Variants in GALNTL6 observed in about 807,000 individuals in gnomAD.
The protein encoded by GALNTL6 is polypeptide N-acetylgalactosaminyltransferase-like 6.
Under a neutral mutation model 73.7 loss-of-function variants are expected in GALNTL6, and 46 were observed. The ratio of observed to expected loss-of-function variants is 0.62; its 90% CI spans 0.49 to 0.80. GALNTL6 has a LOEUF of 0.80. Among genes scored for constraint, GALNTL6 ranks in the 30% least tolerant of loss-of-function variants. The pLI is 0.00. For missense variants in GALNTL6, 604 were observed against 755.0 expected (o/e 0.80, Z 2.34); for synonymous variants, 259 against 263.7 (o/e 0.98, Z 0.17).
intron 2 of GALNTL6, among the ~76,000 whole-genome samples, chr4:171,919,420 C>T (rs1263378418): frequency 6.6e-6 from 1 of 152,032 alleles, no homozygotes; most frequent in African/African-American, 2.4e-5. Flanking sequence ...ATGTATGGGT[C>T]AGAGTTACCC....
intron 5 of GALNTL6, among the ~76,000 whole-genome samples, chr4:172,753,010 T>C (rs1345918066): frequency 6.6e-6 from 1 of 152,204 alleles, no homozygotes; most frequent in Non-Finnish European, 1.5e-5. Context: ...ATAATTTAAT[T>C]ACTGATTCCA....
At chr4:172,703,717 TGGGAGAACTCCCTCCCAC>T (rs1734165736) in intron 5 of GALNTL6, among the ~76,000 whole-genome samples, 1 of 151,992 alleles carries the variant, frequency 6.6e-6, no homozygotes, top group Admixed American at 6.6e-5. Context: ...ACAATGAATT[TGGGAGAACTCCCTCCCAC>T]GTAAATTTTT....
chr4:172,651,616 C>T (rs1740479432), intron 5 of GALNTL6, among the ~76,000 whole-genome samples: 1 of 152,110 alleles, frequency 6.6e-6, no homozygotes, highest in African/African-American at 2.4e-5. Flanking sequence ...CTTATTTCAT[C>T]ATATATAACA....
At chr4:172,670,760 T>C (rs1469554890) in intron 5 of GALNTL6, among the ~76,000 whole-genome samples, 2 of 152,158 alleles carry the variant, frequency 1.3e-5, no homozygotes, top group African/African-American at 2.4e-5. Flanking sequence ...CCTAAGTCAT[T>C]TTCCAGGGTT....
intron 5 of GALNTL6, among the ~76,000 whole-genome samples, chr4:172,703,011 A>G (rs1286963511): frequency 6.6e-6 from 1 of 151,948 alleles, no homozygotes; most frequent in African/African-American, 2.4e-5. Context: ...ATCATTTTCA[A>G]GGAATGATGG....
chr4:172,312,741 C>G (rs1021243172), intron 4 of GALNTL6, among the ~76,000 whole-genome samples: 1 of 152,108 alleles, frequency 6.6e-6, no homozygotes, highest in African/African-American at 2.4e-5. Flanking sequence ...AATATCAGTA[C>G]ATTATGGTTT....
intron 7 of GALNTL6, among the ~76,000 whole-genome samples, chr4:172,875,732 A>AACACACACACACACACACACACACACAC (rs59079970): frequency 6.9e-6 from 1 of 145,718 alleles, no homozygotes; most frequent in African/African-American, 2.6e-5. Flanking sequence ...CTCATACATA[A>AACACACACACACACACACACACACACAC]ACACACACAC....
At chr4:171,850,116 C>G (rs1278586823) in intron 2 of GALNTL6, among the ~76,000 whole-genome samples, 1 of 152,122 alleles carries the variant, frequency 6.6e-6, no homozygotes, top group East Asian at 1.9e-4. Flanking sequence ...CAGGCGCGTG[C>G]CAACACACTG....
intron 5 of GALNTL6, among the ~76,000 whole-genome samples, chr4:172,534,730 G>T (rs1735284691): frequency 6.6e-6 from 1 of 152,016 alleles, no homozygotes; most frequent in South Asian, 2.1e-4. Context: ...CACCATGCCG[G>T]CTAATTTTTT....
chr4:172,276,615 T>C (rs1738841339), intron 3 of GALNTL6, among the ~76,000 whole-genome samples: 1 of 152,174 alleles, frequency 6.6e-6, no homozygotes, highest in African/African-American at 2.4e-5. Context: ...AAACGAAAAG[T>C]TACCACTGTA....
intron 2 of GALNTL6, among the ~76,000 whole-genome samples, chr4:172,095,106 G>A (rs1214981636): frequency 1.3e-5 from 2 of 151,572 alleles, no homozygotes; most frequent in African/African-American, 4.8e-5. Flanking sequence ...GGTGGGGGCT[G>A]TGTTAGGGAG....
At chr4:172,482,507 G>A (rs1733527735) in intron 5 of GALNTL6, among the ~76,000 whole-genome samples, 1 of 152,130 alleles carries the variant, frequency 6.6e-6, no homozygotes, top group Admixed American at 6.5e-5. Context: ...TACTGCAAAG[G>A]GCAGTGTTAA....
intron 2 of GALNTL6, among the ~76,000 whole-genome samples, chr4:172,201,904 C>T (rs1395384466): frequency 3.3e-5 from 5 of 152,136 alleles, no homozygotes; most frequent in Non-Finnish European, 5.9e-5. Context: ...GCCAATTCAA[C>T]CTAGGCTAGA....
At chr4:171,975,439 G>A (rs911342134) in intron 2 of GALNTL6, among the ~76,000 whole-genome samples, 1 of 152,132 alleles carries the variant, frequency 6.6e-6, no homozygotes, top group Non-Finnish European at 1.5e-5. Flanking sequence ...TTTCTTTAGG[G>A]TAGGGAAGAC....
chr4:172,311,051 A>C (rs1740339816), intron 3 of GALNTL6, among the ~76,000 whole-genome samples: 1 of 152,108 alleles, frequency 6.6e-6, no homozygotes, highest in African/African-American at 2.4e-5. Flanking sequence ...TTTACTGATG[A>C]AGCTGAAAAT....
chr4:171,993,070 G>A (rs189247152), intron 2 of GALNTL6, among the ~76,000 whole-genome samples: 36 of 151,504 alleles, frequency 2.4e-4, no homozygotes, highest in Admixed American at 1.0e-3. Context: ...ATCTGTTTTC[G>A]TCTCTGCCAA....
At chr4:172,304,315 A>G (rs1025781545) in intron 3 of GALNTL6, among the ~76,000 whole-genome samples, 1 of 152,188 alleles carries the variant, frequency 6.6e-6, no homozygotes, top group Non-Finnish European at 1.5e-5. Flanking sequence ...TGCTGGAGAC[A>G]TTACGATGAA....
At chr4:172,711,684 G>A (rs555743047) in intron 5 of GALNTL6, among the ~76,000 whole-genome samples, 122 of 152,244 alleles carry the variant, frequency 8.0e-4, no homozygotes, top group African/African-American at 2.8e-3. Context: ...TTTGGCACAC[G>A]AACACATTAG....
intron 5 of GALNTL6, among the ~76,000 whole-genome samples, chr4:172,365,403 G>A (rs1742521131): frequency 6.6e-6 from 1 of 152,138 alleles, no homozygotes; most frequent in African/African-American, 2.4e-5. Context: ...TAGCCATTAG[G>A]CTGATGCCCT....
Sources: allele counts gnomAD v4.1 joint callset (sites outside exome capture counted in the v4.1 genomes callset), GRCh38; gene constraint gnomAD v4.1.1; transcripts MANE v1.5; gene names NCBI Gene and HGNC (gene_info 2026-07-23, HGNC 2026-07-21).